Variants in PTPRG observed in about 807,000 individuals in gnomAD.
PTPRG encodes the protein protein tyrosine phosphatase receptor type G, also known as receptor-type tyrosine-protein phosphatase gamma.
PTPRG carries 102 observed loss-of-function variants against 165.3 expected under a neutral mutation model. The observed-to-expected ratio is 0.62, with a 90% CI of 0.53 to 0.73. The LOEUF is 0.73. Ranked by LOEUF, PTPRG falls within the 30% of genes least tolerant of loss-of-function variation. The probability of loss-of-function intolerance (pLI) is 0.00; values close to 1 mark genes in which losing one functional copy is unlikely to be tolerated. For synonymous variants in PTPRG, 675 were observed against 669.5 expected (o/e 1.01, Z -0.13); for missense variants, 1,866 against 1,861.4 (o/e 1.00, Z -0.05).
chr3:62,174,453 A>T (rs1467249015), intron 8 of PTPRG, among the ~76,000 whole-genome samples: 1 of 152,150 alleles, frequency 6.6e-6, no homozygotes, highest in African/African-American at 2.4e-5. Flanking sequence ...GCCTCTGCTG[A>T]TGGAGGGATC....
chr3:61,809,383 A>C (rs991095816), intron 2 of PTPRG, among the ~76,000 whole-genome samples: 2 of 152,140 alleles, frequency 1.3e-5, no homozygotes, highest in African/African-American at 4.8e-5. Context: ...ATTGCCCATG[A>C]AACAGTTTTC....
At chr3:61,910,122 T>C (rs530423759) in intron 2 of PTPRG, among the ~76,000 whole-genome samples, 1 of 152,344 alleles carries the variant, frequency 6.6e-6, no homozygotes, top group East Asian at 1.9e-4. Context: ...TTTAAATCAA[T>C]GCCAATTTTC....
chr3:62,236,894 A>G (rs1701045619), intron 14 of PTPRG, among the ~76,000 whole-genome samples: 1 of 152,180 alleles, frequency 6.6e-6, no homozygotes. Flanking sequence ...GAGTGGGTGT[A>G]CGTGTTGACC....
intron 2 of PTPRG, among the ~76,000 whole-genome samples, chr3:61,915,112 C>T (rs2107548076): frequency 6.6e-6 from 1 of 152,212 alleles, no homozygotes; most frequent in East Asian, 1.9e-4. Flanking sequence ...GCCTGTAGTC[C>T]CAGCTACTCA....
At position 62,282,907 on chromosome 3, in the gene PTPRG, TTTTTTG is replaced by T. The variant is rs752692851; in HGVS notation, c.4055+42_4055+47del. 2.6e-6 allele frequency: 4 copies of T among 1,558,616 alleles called. No homozygotes were observed. The East Asian group carries it at 9.2e-5, about 36-fold the overall frequency. On this transcript the variant is annotated intron_variant, in intron 28 of 29. Coordinates refer to ENST00000474889, the MANE Select transcript of PTPRG (RefSeq NM_002841.4). ...TTCTTAATTTTAAAATGTAGACCGT[TTTTTTG>T]TTTAATTTCTTGTTGAAAGCAGTAG...
At chr3:62,215,835 G>A (rs1360494501) in intron 12 of PTPRG, among the ~76,000 whole-genome samples, 1 of 151,920 alleles carries the variant, frequency 6.6e-6, no homozygotes, top group Non-Finnish European at 1.5e-5. Context: ...GATATAATGT[G>A]CCACTGATCC....
intron 4 of PTPRG, among the ~76,000 whole-genome samples, chr3:62,058,190 C>G (rs76421823): frequency 0.013 from 2,021 of 152,284 alleles, 43 homozygotes; most frequent in African/African-American, 0.047. Flanking sequence ...TTGTGTGTAC[C>G]TAGCCCAAGC....
chr3:62,050,784 T>A (rs1485875162), intron 4 of PTPRG, among the ~76,000 whole-genome samples: 2 of 152,302 alleles, frequency 1.3e-5, no homozygotes, highest in Admixed American at 6.5e-5. Flanking sequence ...TGAGCTCTTG[T>A]TTTCCTGGAT....
chr3:61,778,322 C>T (rs1051526128), intron 2 of PTPRG, among the ~76,000 whole-genome samples: 1 of 152,082 alleles, frequency 6.6e-6, no homozygotes, highest in Non-Finnish European at 1.5e-5. Context: ...TTGGTGTTCA[C>T]GCCATGTAAA....
Position 62,219,709 on chromosome 3 carries a change from A to G in PTPRG, c.2288+726A>G, listed in dbSNP as rs1700604363. Among the ~76,000 whole-genome samples the G allele has an allele frequency of 6.6e-6, 1 of 152,214 alleles. No individual in the cohort carries two copies. The highest frequency in any genetic ancestry group is 1.5e-5 in the Non-Finnish European group (1 of 68,036). ...ATCTGACAGGCTTCACCAGTGAGAA[A>G]CAGGTGTCATATTTTCATCTCTCCC... On this transcript the variant is annotated intron_variant, in intron 13 of 29. Coordinates refer to ENST00000474889, the MANE Select transcript of PTPRG (RefSeq NM_002841.4). This position sits in a 1 kb window ranked among gnomAD's most constrained non-coding sequence, Gnocchi z 4.5.
At chr3:61,836,062 C>CCCAA (rs2036450402) in intron 2 of PTPRG, among the ~76,000 whole-genome samples, 10 of 103,614 alleles carry the variant, frequency 9.7e-5, no homozygotes, top group Non-Finnish European at 9.7e-5. Context: ...CCCCCCCCAC[C>CCCAA]AAAAAAAAAA....
At chr3:61,767,606 A>G (rs909564723) in intron 2 of PTPRG, among the ~76,000 whole-genome samples, 2 of 152,242 alleles carry the variant, frequency 1.3e-5, no homozygotes, top group Admixed American at 6.5e-5. Flanking sequence ...GGTAGAAAAT[A>G]TATACATTTT....
At chr3:62,074,207 G>GTGTA (rs1283361835) in intron 4 of PTPRG, among the ~76,000 whole-genome samples, 1 of 151,304 alleles carries the variant, frequency 6.6e-6, no homozygotes, top group East Asian at 1.9e-4. Flanking sequence ...GTGTGTGTGT[G>GTGTA]TGTGTATACA....
rs570197897 is a variant in PTPRG at position 61,913,800 on chromosome 3, A to G, written c.191-75825A>G. On this transcript the variant is annotated intron_variant, in intron 2 of 29. Coordinates refer to ENST00000474889, the MANE Select transcript of PTPRG (RefSeq NM_002841.4). ...CGTTCATTACACCTGAAGTGAACAT[A>G]CTTGGTTATGTGACTAATCTCTAAG... Among the ~76,000 whole-genome samples, 5 of 152,292 alleles carry G rather than the reference A, an allele frequency of 3.3e-5. No individual in the cohort carries two copies. The South Asian group carries it at 1.0e-3, about 32-fold the overall frequency.
chr3:62,280,694 C>T (rs1292279200), intron 26 of PTPRG, among the ~76,000 whole-genome samples: 2 of 152,060 alleles, frequency 1.3e-5, no homozygotes, highest in African/African-American at 4.8e-5. Context: ...TAAGACCCAG[C>T]AGTCCTTCTT....
intron 10 of PTPRG, among the ~76,000 whole-genome samples, chr3:62,200,311 A>G (rs905357406): frequency 7.9e-5 from 12 of 152,022 alleles, no homozygotes; most frequent in Non-Finnish European, 1.6e-4. Flanking sequence ...TTGCTGTGTC[A>G]TCAGGCTGGA....
chr3:61,628,147 G>T (rs1212112803), intron 1 of PTPRG, among the ~76,000 whole-genome samples: 1 of 152,108 alleles, frequency 6.6e-6, no homozygotes, highest in Non-Finnish European at 1.5e-5. Context: ...AGTGCCGACT[G>T]TGGATTTAGC....
chr3:61,990,956 A>G (rs1289287351), intron 3 of PTPRG, among the ~76,000 whole-genome samples: 3 of 141,974 alleles, frequency 2.1e-5, no homozygotes, highest in East Asian at 2.1e-4. Flanking sequence ...TTAGGGATCC[A>G]TTTTCTTTCT....
intron 4 of PTPRG, among the ~76,000 whole-genome samples, chr3:62,063,531 A>G (rs191126918): frequency 4.6e-5 from 7 of 152,346 alleles, no homozygotes; most frequent in Admixed American, 4.6e-4. Context: ...AAGTAAAATT[A>G]TAGTGCACAG....
Sources: gnomAD v4.1 joint callset for allele counts (sites outside exome capture counted in the v4.1 genomes callset) on GRCh38, gnomAD v4.1.1 for gene constraint, Gnocchi (gnomAD v3.1) non-coding constraint, MANE v1.5 for transcripts, NCBI Gene and HGNC (gene_info 2026-07-23, HGNC 2026-07-21) for gene names.